Variants in AOAH observed in about 807,000 individuals in gnomAD.
AOAH encodes the protein acyloxyacyl hydrolase.
Under a neutral mutation model 92.2 loss-of-function variants are expected in AOAH, and 64 were observed. That is an observed-to-expected ratio of 0.69 (90% CI 0.57 to 0.86). The LOEUF (loss-of-function observed/expected upper bound fraction) is 0.86, where lower values mean the gene tolerates loss of function less well. Among genes scored for constraint, AOAH ranks in the 40% least tolerant of loss-of-function variants. The pLI, the probability that AOAH is intolerant of heterozygous loss-of-function variation, is 0.00. For missense variants in AOAH, 656 were observed against 694.6 expected (o/e 0.94, Z 0.62); for synonymous variants, 263 against 254.5 (o/e 1.03, Z -0.32).
At chr7:36,677,945 A>T (rs1270660178) in intron 2 of AOAH, among the ~76,000 whole-genome samples, 1 of 152,158 alleles carries the variant, frequency 6.6e-6, no homozygotes, top group Non-Finnish European at 1.5e-5. Context: ...TTAGGGCTGG[A>T]AAGAGTGGGT....
At chr7:36,700,927 A>AAGATT (rs1237562050) in intron 1 of AOAH, among the ~76,000 whole-genome samples, 1 of 152,034 alleles carries the variant, frequency 6.6e-6, no homozygotes, top group African/African-American at 2.4e-5. Flanking sequence ...CATTTCTCTG[A>AAGATT]AGATTAGTGA....
intron 11 of AOAH, among the ~76,000 whole-genome samples, chr7:36,606,237 G>A (rs1013851110): frequency 1.3e-5 from 2 of 152,160 alleles, no homozygotes; most frequent in South Asian, 4.1e-4. Flanking sequence ...TGAGCGTAGG[G>A]TGACAGCTTC....
At chr7:36,626,431 C>T (rs1792670743) in intron 6 of AOAH, among the ~76,000 whole-genome samples, 1 of 152,316 alleles carries the variant, frequency 6.6e-6, no homozygotes, top group African/African-American at 2.4e-5. Context: ...CTGGCCAAAG[C>T]CATGCATTCT....
In AOAH at chr7:36,525,174, T is replaced by C. The variant is rs61425661; in HGVS notation, c.1523-3059A>G. On this transcript the variant is annotated intron_variant, in intron 19 of 20. Coordinates refer to ENST00000617537, the MANE Select transcript of AOAH (RefSeq NM_001637.4). ...CTTAAATACTTTCTGACTCTCCATG[T>C]TTGCAAAGAGAGTTGAATGACATGT... Among the ~76,000 whole-genome samples the C allele has an allele frequency of 8.6e-4, 131 of 152,314 alleles. 3 individuals are homozygous for C. The East Asian group carries it at 0.02, about 24-fold the overall frequency.
intron 1 of AOAH, among the ~76,000 whole-genome samples, chr7:36,719,675 A>T (rs1371690997): frequency 1.3e-5 from 2 of 152,200 alleles, no homozygotes; most frequent in African/African-American, 4.8e-5. Flanking sequence ...TCATGCTTAT[A>T]ATCCCAGCAC....
intron 15 of AOAH, among the ~76,000 whole-genome samples, chr7:36,541,326 A>G (rs1785410877): frequency 6.6e-6 from 1 of 152,216 alleles, no homozygotes; most frequent in Admixed American, 6.5e-5. Context: ...ATTTCATAAA[A>G]GTTAGTAAAA....
chr7:36,655,063 G>C (rs1343694223), intron 4 of AOAH, among the ~76,000 whole-genome samples: 1 of 152,152 alleles, frequency 6.6e-6, no homozygotes, highest in African/African-American at 2.4e-5. Context: ...GTAAGTATGT[G>C]CCTGGCATGG....
At chr7:36,615,756 T>C (rs765482057) in intron 11 of AOAH, among the ~76,000 whole-genome samples, 9 of 152,244 alleles carry the variant, frequency 5.9e-5, no homozygotes, top group Non-Finnish European at 1.5e-5. Context: ...GTCATTCATC[T>C]GAGTAATGCA....
chr7:36,718,297 T>A (rs1306224246), intron 1 of AOAH, among the ~76,000 whole-genome samples: 1 of 152,132 alleles, frequency 6.6e-6, no homozygotes, highest in African/African-American at 2.4e-5. Flanking sequence ...AGCAAAATGA[T>A]GAATAACTAA....
intron 7 of AOAH, 119 bp downstream of exon 7, chr7:36,623,071 T>C: frequency 1.1e-6 from 1 of 874,836 alleles, no homozygotes; most frequent in Non-Finnish European, 1.9e-6. Flanking sequence ...AAATGATGTG[T>C]TGTTCATCAA....
At chr7:36,601,428 C>A (rs1480775682) in intron 11 of AOAH, among the ~76,000 whole-genome samples, 1 of 152,012 alleles carries the variant, frequency 6.6e-6, no homozygotes, top group East Asian at 1.9e-4. Context: ...GCTGGGCACT[C>A]TGTTGGACTC....
intron 13 of AOAH, among the ~76,000 whole-genome samples, chr7:36,575,760 T>A (rs74540166): frequency 3.6e-3 from 546 of 152,368 alleles, no homozygotes; most frequent in African/African-American, 0.013. Context: ...GTAGGTCACA[T>A]ACTTAGTTTA....
chr7:36,625,206 C>T (rs1055714568), intron 6 of AOAH, among the ~76,000 whole-genome samples: 1 of 152,292 alleles, frequency 6.6e-6, no homozygotes, highest in South Asian at 2.1e-4. Context: ...AGGCAGCAGG[C>T]TCCCTCTTAG....
chr7:36,514,986 T>C (rs1287882503), intron 20 of AOAH, among the ~76,000 whole-genome samples: 1 of 151,818 alleles, frequency 6.6e-6, no homozygotes, highest in Non-Finnish European at 1.5e-5. Context: ...CCTTCTAAGG[T>C]GGACACGAAC....
intron 7 of AOAH, 115 bp from the exon 8 acceptor site, chr7:36,621,895 C>CAGTAATTTAGT: frequency 1.1e-6 from 1 of 869,676 alleles, no homozygotes; most frequent in East Asian, 2.4e-5. Flanking sequence ...AATTCAGATT[C>CAGTAATTTAGT]AATCTAGGAT....
intron 16 of AOAH, among the ~76,000 whole-genome samples, chr7:36,539,454 C>T (rs778183133): frequency 1.3e-5 from 2 of 152,220 alleles, no homozygotes; most frequent in African/African-American, 2.4e-5. Flanking sequence ...TCCTGTGGCA[C>T]TTATCACCTT....
chr7:36,557,973 C>T (rs1267818694), intron 13 of AOAH, among the ~76,000 whole-genome samples: 1 of 152,232 alleles, frequency 6.6e-6, no homozygotes, highest in Non-Finnish European at 1.5e-5. Flanking sequence ...CTGAAGCCTT[C>T]TTCTCTCAAC....
At chr7:36,716,270 G>A (rs1232535088) in intron 1 of AOAH, among the ~76,000 whole-genome samples, 2 of 151,872 alleles carry the variant, frequency 1.3e-5, no homozygotes, top group Non-Finnish European at 2.9e-5. Flanking sequence ...AAACCACAAT[G>A]AGATACCATC....
At chr7:36,658,634 A>G (rs1302857348) in intron 4 of AOAH, among the ~76,000 whole-genome samples, 1 of 152,186 alleles carries the variant, frequency 6.6e-6, no homozygotes, top group Non-Finnish European at 1.5e-5. Flanking sequence ...TAAAAACTGT[A>G]TCAGTTATTG....
Sources: gnomAD v4.1 joint callset for allele counts (sites outside exome capture counted in the v4.1 genomes callset) on GRCh38, gnomAD v4.1.1 for gene constraint, MANE v1.5 for transcripts, NCBI Gene and HGNC (gene_info 2026-07-23, HGNC 2026-07-21) for gene names.